Variants in KIF24 observed in about 807,000 individuals in gnomAD.
KIF24 encodes the protein kinesin family member 24, also known as kinesin-like protein KIF24.
KIF24 carries 81 observed loss-of-function variants against 118.9 expected under a neutral mutation model. The observed-to-expected ratio is 0.68, with a 90% CI of 0.57 to 0.82. The LOEUF (loss-of-function observed/expected upper bound fraction) is 0.82. Among genes scored for constraint, KIF24 ranks in the 40% least tolerant of loss-of-function variants. The pLI is 0.00. For missense variants in KIF24, 1,560 were observed against 1,661.6 expected, an observed-to-expected ratio of 0.94 and a Z score of 1.06; for synonymous variants, 599 against 610.0, an observed-to-expected ratio of 0.98 and a Z score of 0.27.
intron 3 of KIF24, among the ~76,000 whole-genome samples, chr9:34,302,231 T>C (rs1178895443): frequency 6.6e-6 from 1 of 151,914 alleles, no homozygotes; most frequent in African/African-American, 2.4e-5. Flanking sequence ...CCTGACCTTG[T>C]GATCCACGGC....
chr9:34,307,563 GAATA>G (rs1322304306), intron 2 of KIF24, among the ~76,000 whole-genome samples: 1 of 152,130 alleles, frequency 6.6e-6, no homozygotes, highest in African/African-American at 2.4e-5. Context: ...ATAAATGACA[GAATA>G]AATGAAATGT....
Position 34,257,845 on chromosome 9 carries a change from C to A in KIF24, c.1762G>T (p.Val588Phe), listed in dbSNP as rs528128260. The A allele has an allele frequency of 3.1e-5, 50 of 1,613,866 alleles. No homozygotes were observed. The highest frequency in any genetic ancestry group is 2.8e-4 in the African/African-American group (21 of 74,914). Residue 588 changes from valine (V) to phenylalanine (F), a missense_variant, in exon 11 of 13, where the codon GTC becomes TTC. Coordinates refer to ENST00000402558, the MANE Select transcript of KIF24 (RefSeq NM_194313.4). ...AGTGACTGCTGAAATCCCAGCTTGA[C>A]TTTTTTGGGAGAACATTTGTCCTCT... ...LSEDKCSPKK[V>F]KLGFQQSLTV...
At chr9:34,263,606 G>A (rs745673603) in intron 8 of KIF24, among the ~76,000 whole-genome samples, 4 of 152,098 alleles carry the variant, frequency 2.6e-5, no homozygotes, top group Non-Finnish European at 5.9e-5. Context: ...ATGCACACCC[G>A]TTGGCGTAGA....
In KIF24 at chr9:34,257,471, TACTGGCTGC is replaced by T. The variant is rs775166021; in HGVS notation, c.2127_2135del (p.Pro711_Gln713del). 6.2e-7 allele frequency: 1 copy of T among 1,614,088 alleles called. No homozygotes were observed. Among genetic ancestry groups the T allele is most frequent in the South Asian group, 1.1e-5 (1 of 91,090 alleles). Reference sequence around the variant, plus strand: ...CAACTCGAGACACAAGCTGCTTCTGTACTGGCTGCACTGTCTGCACTTTCTTGCACTTGG... The same window carrying T: ...CAACTCGAGACACAAGCTGCTTCTGTACTGTCTGCACTTTCTTGCACTTGG... On this transcript the variant is annotated inframe_deletion, in exon 11 of 13. Transcript: ENST00000402558.
rs184508187 is a variant in KIF24 at position 34,297,798 on chromosome 9, G to A, written c.814-684C>T. On this transcript the variant is annotated intron_variant, in intron 3 of 12. Transcript: ENST00000402558. Reference sequence around the variant, plus strand: ...AAAGAATTTTGGAGGAATTCTAGGGGAAGATCTCAATTCTGTAGATTACAC... The same window carrying A: ...AAAGAATTTTGGAGGAATTCTAGGGAAAGATCTCAATTCTGTAGATTACAC... Among the ~76,000 whole-genome samples the A allele has an allele frequency of 5.8e-3, 882 of 151,938 alleles. 8 individuals carry two copies. Among genetic ancestry groups the A allele is most frequent in the Non-Finnish European group, 0.01 (706 of 67,962 alleles).
At chr9:34,322,725 A>G (rs780053402) in intron 1 of KIF24, among the ~76,000 whole-genome samples, 1 of 152,084 alleles carries the variant, frequency 6.6e-6, no homozygotes, top group Non-Finnish European at 1.5e-5. Context: ...GTGGTGATGT[A>G]TGCCTTTAGT....
chr9:34,301,528 T>A (rs1836704646), intron 3 of KIF24, among the ~76,000 whole-genome samples: 1 of 152,104 alleles, frequency 6.6e-6, no homozygotes, highest in African/African-American at 2.4e-5. Context: ...GTTTATTTTT[T>A]AAGTAAGTTT....
intron 1 of KIF24, among the ~76,000 whole-genome samples, chr9:34,326,769 T>C (rs1465049720): frequency 6.6e-6 from 1 of 152,148 alleles, no homozygotes; most frequent in Admixed American, 6.5e-5. Context: ...CACATAAAAG[T>C]GTCTGAATTT....
At chr9:34,271,341 AAAG>A (rs1443772542) in intron 7 of KIF24, among the ~76,000 whole-genome samples, 3 of 94,244 alleles carry the variant, frequency 3.2e-5, no homozygotes, top group Non-Finnish European at 4.1e-5. Context: ...AAAAAAAAAA[AAAG>A]AAAAAGAAAA....
chr9:34,286,599 G>GTT lies in KIF24; in HGVS notation c.1215+17_1215+18insAA, dbSNP rs761967206. 3.2e-6 allele frequency: 5 copies of GTT among 1,551,470 alleles called. No homozygotes were observed. In the African/African-American group the frequency reaches 6.8e-5, roughly 21 times the overall value. The stretch of plus-strand genomic sequence containing the variant: ...TACACTGTTGTGGTGGGGTAATAAA[G>GTT]AAGGAAGAATTAATTACCTCTAAGA... On this transcript the variant is annotated intron_variant, in intron 6 of 12. Coordinates refer to ENST00000402558, the MANE Select transcript of KIF24 (RefSeq NM_194313.4).
intron 3 of KIF24, among the ~76,000 whole-genome samples, chr9:34,301,979 A>C (rs1022384391): frequency 7.2e-6 from 1 of 139,118 alleles, no homozygotes; most frequent in Non-Finnish European, 1.6e-5. Context: ...TATTTTTTCT[A>C]TATATGTATT....
intron 11 of KIF24, 147 bp downstream of exon 11, chr9:34,255,588 G>C: frequency 1.4e-6 from 1 of 697,850 alleles, no homozygotes; most frequent in Non-Finnish European, 2.4e-6. Flanking sequence ...GGAGGGCCCG[G>C]GACCAAAGCA....
At chr9:34,289,077 C>T (rs1411796089) in intron 5 of KIF24, among the ~76,000 whole-genome samples, 1 of 152,098 alleles carries the variant, frequency 6.6e-6, no homozygotes, top group East Asian at 1.9e-4. Flanking sequence ...CAGAGTAGCA[C>T]CCTCTTTTAT....
chr9:34,276,154 G>A (rs1040247870), intron 6 of KIF24, among the ~76,000 whole-genome samples: 6 of 152,148 alleles, frequency 3.9e-5, no homozygotes, highest in African/African-American at 1.4e-4. Context: ...TATAATCCGA[G>A]CACTTTGGGA....
In KIF24 at chr9:34,257,222, G is replaced by C. The variant is rs574536295; in HGVS notation, c.2385C>G (p.Pro795=). ...PLKRSLRQYR[P]PEGQLTNETP... is the part of the protein sequence containing the mutation. ...TCTCATTCGTGAGCTGACCCTCTGG[G>C]GGCCTGTACTGGCGTAAAGACCTTT... The change falls in exon 11 of 13, where the codon CCC becomes CCG. Residue 795 remains proline, a synonymous_variant. Transcript: ENST00000402558. 3.7e-6 allele frequency: 6 copies of C among 1,614,050 alleles called. No homozygotes were observed. The Admixed American group carries it at 8.3e-5, about 22-fold the overall frequency.
intron 1 of KIF24, among the ~76,000 whole-genome samples, chr9:34,325,447 C>G: frequency 6.6e-6 from 1 of 151,342 alleles, no homozygotes; most frequent in South Asian, 2.1e-4. Flanking sequence ...AATCCCAGAA[C>G]TTTGGGAGGC....
intron 4 of KIF24, among the ~76,000 whole-genome samples, chr9:34,293,794 C>T (rs1836351411): frequency 6.6e-6 from 1 of 152,116 alleles, no homozygotes; most frequent in Admixed American, 6.5e-5. Context: ...TGAAAAGAAG[C>T]TCAGTATCAT....
intron 1 of KIF24, among the ~76,000 whole-genome samples, chr9:34,316,048 T>G (rs1183129374): frequency 6.6e-6 from 1 of 151,268 alleles, no homozygotes; most frequent in Non-Finnish European, 1.5e-5. Context: ...AAAAAAAATT[T>G]TTTTAGAAAT....
chr9:34,321,930 T>C (rs1423801552), intron 1 of KIF24, among the ~76,000 whole-genome samples: 2 of 152,094 alleles, frequency 1.3e-5, no homozygotes, highest in Admixed American at 1.3e-4. Context: ...GTAAGATTTT[T>C]TTAAAAGGAG....
Sources: gnomAD v4.1 joint callset for allele counts (sites outside exome capture counted in the v4.1 genomes callset) on GRCh38, gnomAD v4.1.1 for gene constraint, MANE v1.5 for transcripts, NCBI Gene and HGNC (gene_info 2026-07-23, HGNC 2026-07-21) for gene names.